Variants in PTK2 observed in about 807,000 individuals in gnomAD.
PTK2 encodes focal adhesion kinase 1.
A neutral mutation model predicts 150.1 loss-of-function variants in PTK2; 45 were observed. That is an observed-to-expected ratio of 0.30 (90% CI 0.24 to 0.38). The LOEUF is 0.38. Ranked by LOEUF, PTK2 falls within the 10% of genes least tolerant of loss-of-function variation. The probability of loss-of-function intolerance (pLI) is 1.00; values close to 1 mark genes in which losing one functional copy is unlikely to be tolerated. For synonymous variants in PTK2, 432 were observed against 449.2 expected (o/e 0.96, Z 0.48); for missense variants, 919 against 1,307.3 (o/e 0.70, Z 4.58).
At chr8:140,907,238 CTACTA>C (rs1171330238) in intron 2 of PTK2, among the ~76,000 whole-genome samples, 1 of 152,204 alleles carries the variant, frequency 6.6e-6, no homozygotes, top group Non-Finnish European at 1.5e-5. Flanking sequence ...GCCTTCTTCT[CTACTA>C]TGAGTGAGTA....
At chr8:140,678,982 G>A (rs2100015456) in intron 27 of PTK2, among the ~76,000 whole-genome samples, 1 of 144,890 alleles carries the variant, frequency 6.9e-6, no homozygotes, top group African/African-American at 2.6e-5. Flanking sequence ...GCCAGCTCAC[G>A]GCCAGCTGAG....
At chr8:140,893,085 T>C (rs1346620166) in intron 2 of PTK2, among the ~76,000 whole-genome samples, 1 of 152,202 alleles carries the variant, frequency 6.6e-6, no homozygotes, top group Non-Finnish European at 1.5e-5. Flanking sequence ...CCCAGCACTT[T>C]GGGAGACTGA....
At chr8:140,728,314 G>A (rs534943518) in intron 22 of PTK2, among the ~76,000 whole-genome samples, 31 of 152,184 alleles carry the variant, frequency 2.0e-4, no homozygotes, top group South Asian at 8.3e-4. Flanking sequence ...AATTTTGCAC[G>A]ATTCTGTTAC....
In PTK2 at chr8:140,827,834, G is replaced by A. The variant is rs117039304; in HGVS notation, c.648+2638C>T. Among the ~76,000 whole-genome samples the A allele has an allele frequency of 4.5e-3, 682 of 152,200 alleles. 2 individuals are homozygous for A. Among genetic ancestry groups the A allele is most frequent in the Non-Finnish European group, 7.9e-3 (534 of 68,002 alleles). ...CTCAACAATCTTAAAATATAGCGGA[G>A]GAAGGCAGATAAAATACAAACAAGT... is the stretch of plus-strand genomic sequence containing the variant. On this transcript the variant is annotated intron_variant, in intron 8 of 31. Transcript: ENST00000522684.
chr8:140,750,433 G>A (rs969838329), intron 17 of PTK2: 1 of 152,216 alleles, frequency 6.6e-6, no homozygotes, highest in African/African-American at 2.4e-5. Flanking sequence ...GGAAGAGACA[G>A]GCAATAATCA....
At chr8:140,961,119 TA>T (rs1321696215) in intron 1 of PTK2, among the ~76,000 whole-genome samples, 2 of 152,234 alleles carry the variant, frequency 1.3e-5, no homozygotes, top group African/African-American at 4.8e-5. Context: ...GTTCTATCAC[TA>T]GAGCAAGTTT....
At chr8:140,664,274 G>A (rs1312703902) in intron 31 of PTK2, among the ~76,000 whole-genome samples, 1 of 152,118 alleles carries the variant, frequency 6.6e-6, no homozygotes, top group Non-Finnish European at 1.5e-5. Flanking sequence ...GAGCCACTGC[G>A]CCTGGCCTGG....
intron 1 of PTK2, among the ~76,000 whole-genome samples, chr8:140,950,499 A>T (rs2100179219): frequency 6.6e-6 from 1 of 152,218 alleles, no homozygotes; most frequent in Admixed American, 6.5e-5. Context: ...AGGTGGCTGG[A>T]CCACATGCTC....
chr8:140,676,794 C>CAAAAAAA (rs1262945138), intron 27 of PTK2, among the ~76,000 whole-genome samples: 1 of 59,096 alleles, frequency 1.7e-5, no homozygotes. Context: ...AAAAAATAGC[C>CAAAAAAA]AGGTGTGGTG....
At chr8:140,756,944 G>C (rs2100066194) in intron 16 of PTK2, among the ~76,000 whole-genome samples, 1 of 151,204 alleles carries the variant, frequency 6.6e-6, no homozygotes. Flanking sequence ...AGCTGACATG[G>C]CGCCACTGCA....
At chr8:140,891,460 A>T (rs2100154222) in intron 2 of PTK2, among the ~76,000 whole-genome samples, 1 of 152,182 alleles carries the variant, frequency 6.6e-6, no homozygotes, top group Admixed American at 6.5e-5. Flanking sequence ...ACAATGTTTG[A>T]AGGGCTCAGA....
At chr8:140,818,219 C>T in intron 10 of PTK2, 58 bp downstream of exon 10, 1 of 1,455,792 alleles carries the variant, frequency 6.9e-7, no homozygotes, top group East Asian at 2.3e-5. Flanking sequence ...GCCCCATTTC[C>T]TTAATTTGAT....
chr8:140,897,308 A>T (rs1323985329), intron 2 of PTK2, among the ~76,000 whole-genome samples: 1 of 152,200 alleles, frequency 6.6e-6, no homozygotes, highest in East Asian at 1.9e-4. Context: ...ATGTTACCAG[A>T]ATGAAGCAGT....
chr8:140,800,481 T>A, exon 12 of PTK2: 1 of 1,613,406 alleles, frequency 6.2e-7, no homozygotes, highest in Non-Finnish European at 8.5e-7. Context: ...TGATGATAAA[T>A]GACTGCGAGG....
chr8:140,957,594 C>T (rs545985778), intron 1 of PTK2, among the ~76,000 whole-genome samples: 2 of 152,342 alleles, frequency 1.3e-5, no homozygotes, highest in East Asian at 3.9e-4. Context: ...CACACACTCA[C>T]TGACTCACCC....
At chr8:140,674,799 G>A (rs1404774165) in intron 28 of PTK2, among the ~76,000 whole-genome samples, 1 of 151,798 alleles carries the variant, frequency 6.6e-6, no homozygotes, top group Non-Finnish European at 1.5e-5. Flanking sequence ...GTAATCCCTA[G>A]CACTTTGGGA....
chr8:140,889,153 T>C (rs1205130921), intron 3 of PTK2, among the ~76,000 whole-genome samples: 3 of 152,234 alleles, frequency 2.0e-5, no homozygotes, highest in African/African-American at 7.2e-5. Context: ...TCCATTTGAA[T>C]AGTTTGCTAA....
At chr8:140,789,503 C>T in exon 14 of PTK2, 1 of 1,613,472 alleles carries the variant, frequency 6.2e-7, no homozygotes, top group South Asian at 1.1e-5. Context: ...TGTCCGCATG[C>T]CTTGCTTTTC....
chr8:140,932,983 C>A (rs1231349517), intron 1 of PTK2, among the ~76,000 whole-genome samples: 1 of 152,016 alleles, frequency 6.6e-6, no homozygotes, highest in Non-Finnish European at 1.5e-5. Context: ...TCCCAAGTAG[C>A]TGGGATTACA....
Sources: gnomAD v4.1 joint callset for allele counts (sites outside exome capture counted in the v4.1 genomes callset) on GRCh38, gnomAD v4.1.1 for gene constraint, MANE v1.5 for transcripts, NCBI Gene and HGNC (gene_info 2026-07-23, HGNC 2026-07-21) for gene names.